Variants in SH3GL1 observed in about 807,000 individuals in gnomAD.
SH3GL1 encodes the protein endophilin-A2.
A neutral mutation model predicts 48.8 loss-of-function variants in SH3GL1; 21 were observed. That is an observed-to-expected ratio of 0.43 (90% CI 0.30 to 0.62). SH3GL1 has a LOEUF of 0.62. SH3GL1 is among the 20% of genes least tolerant of loss of function. SH3GL1 has a pLI of 0.11. For synonymous variants in SH3GL1, 282 were observed against 217.5 expected, an observed-to-expected ratio of 1.30 and a Z score of -2.61; for missense variants, 454 against 503.0, an observed-to-expected ratio of 0.90 and a Z score of 0.93.
chr19:4,382,731 T>C lies in SH3GL1; in HGVS notation c.46-15737A>G, dbSNP rs1250130284. On this transcript the variant is annotated intron_variant, in intron 1 of 9. Coordinates refer to ENST00000269886, the MANE Select transcript of SH3GL1 (RefSeq NM_003025.4). ...GGTGAGGGGCAGCCGTGGCGGGTGC[T>C]GTCCTGCTTGCCACAGGAGCTCATC... Among the ~76,000 whole-genome samples the C allele has an allele frequency of 4.6e-5, 7 of 152,172 alleles. 1 individual carries two copies. Among genetic ancestry groups the C allele is most frequent in the Non-Finnish European group, 7.4e-5 (5 of 68,020 alleles).
intron 6 of SH3GL1, 34 bp from the exon 7 acceptor site, chr19:4,363,507 A>G (rs770083069): frequency 3.2e-6 from 5 of 1,578,810 alleles, no homozygotes; most frequent in Non-Finnish European, 3.5e-6. Flanking sequence ...GGCTCCTGCC[A>G]GTGCCACTGT....
chr19:4,374,584 G>A (rs1002347057), intron 1 of SH3GL1, among the ~76,000 whole-genome samples: 1 of 152,238 alleles, frequency 6.6e-6, no homozygotes, highest in Non-Finnish European at 1.5e-5. Context: ...CGCCCTAGAT[G>A]GGGCAATCGG....
At chr19:4,370,397 T>C (rs1972874289) in intron 1 of SH3GL1, among the ~76,000 whole-genome samples, 1 of 152,076 alleles carries the variant, frequency 6.6e-6, no homozygotes, top group Admixed American at 6.5e-5. Flanking sequence ...CCACCCCGCA[T>C]GGCAGGAAAC....
chr19:4,394,861 G>A (rs1973398152), intron 1 of SH3GL1, among the ~76,000 whole-genome samples: 1 of 152,216 alleles, frequency 6.6e-6, no homozygotes, highest in East Asian at 1.9e-4. Context: ...GGGGGAAGCT[G>A]TCCTATGCAT....
intron 4 of SH3GL1, chr19:4,364,447 CTTT>C (rs989913014): frequency 1.4e-5 from 8 of 564,748 alleles, no homozygotes; most frequent in African/African-American, 9.4e-5. Context: ...TTTCCAACTT[CTTT>C]GAGATGAAGT....
In SH3GL1 at chr19:4,361,800, G is replaced by C. The variant is rs776637003; in HGVS notation, c.911-4C>G. 1 of 1,603,166 alleles carries C rather than the reference G, an allele frequency of 6.2e-7. No individual in the cohort carries two copies. Among genetic ancestry groups the C allele is most frequent in the South Asian group, 1.1e-5 (1 of 90,988 alleles). On this transcript the variant is annotated splice_polypyrimidine_tract_variant and splice_region_variant and intron_variant, in intron 9 of 9. Coordinates refer to ENST00000269886, the MANE Select transcript of SH3GL1 (RefSeq NM_003025.4). Reference sequence around the variant, plus strand: ...CAGCTCGGCTGGTCCAGGGGCGCTGGGGGCGGGAGCGGGCTGTGGGGCTGG... The same window carrying C: ...CAGCTCGGCTGGTCCAGGGGCGCTGCGGGCGGGAGCGGGCTGTGGGGCTGG...
intron 1 of SH3GL1, among the ~76,000 whole-genome samples, chr19:4,371,706 T>C (rs559893614): frequency 1.3e-5 from 2 of 152,290 alleles, no homozygotes; most frequent in South Asian, 4.1e-4. Flanking sequence ...TGGTGCTTGG[T>C]AATTTCCAGG....
At position 4,367,928 on chromosome 19, in the gene SH3GL1, G is replaced by A. The variant is rs970478954; in HGVS notation, c.46-934C>T. 1.3e-5 allele frequency among the ~76,000 whole-genome samples: 2 copies of A among 152,148 alleles called. No homozygotes were observed. The highest frequency in any genetic ancestry group is 2.9e-5 in the Non-Finnish European group (2 of 68,016). On this transcript the variant is annotated intron_variant, in intron 1 of 9. Transcript: ENST00000269886. This position sits in a 1 kb window ranked among gnomAD's most constrained non-coding sequence, Gnocchi z 4.2. ...TGTGAGGCCCTTCCCAGCACACAGC[G>A]CTTCATGAAGAGCCGAGTGGCTGCC...
chr19:4,385,574 A>G (rs1157873920), intron 1 of SH3GL1, among the ~76,000 whole-genome samples: 1 of 152,078 alleles, frequency 6.6e-6, no homozygotes, highest in African/African-American at 2.4e-5. Flanking sequence ...CCGGGCCCCA[A>G]AGACCCTCCC....
At chr19:4,391,057 CAG>C (rs1973329084) in intron 1 of SH3GL1, among the ~76,000 whole-genome samples, 1 of 152,182 alleles carries the variant, frequency 6.6e-6, no homozygotes, top group African/African-American at 2.4e-5. Context: ...CCACTGGACA[CAG>C]AGACACAGGC....
chr19:4,398,397 T>C (rs969337106), intron 1 of SH3GL1, among the ~76,000 whole-genome samples: 6 of 152,086 alleles, frequency 3.9e-5, no homozygotes, highest in East Asian at 1.9e-4. Flanking sequence ...TTTTTTTTTT[T>C]TTCAAGACGG....
chr19:4,381,134 C>A (rs1973114974), intron 1 of SH3GL1, among the ~76,000 whole-genome samples: 1 of 127,372 alleles, frequency 7.9e-6, no homozygotes. Flanking sequence ...TCTCTATCCC[C>A]CTGCCTCTCT....
At chr19:4,363,336 C>T (rs1179211702) in intron 7 of SH3GL1, 34 bp downstream of exon 7, 1 of 1,532,960 alleles carries the variant, frequency 6.5e-7, no homozygotes. Flanking sequence ...GCATGGCAGC[C>T]CAGACTCTGG....
intron 1 of SH3GL1, among the ~76,000 whole-genome samples, chr19:4,379,296 C>T (rs1224954117): frequency 6.6e-6 from 1 of 151,912 alleles, no homozygotes; most frequent in African/African-American, 2.4e-5. Flanking sequence ...CATGGTGGCT[C>T]ATGCCTGTAA....
In SH3GL1 at chr19:4,400,375, G is replaced by A. The variant is rs757920151; in HGVS notation, c.-7C>T. ...TCAGCCCCGCCACCGACATGCTGCC[G>A]CCCGCCGCCGAGCCTCCCGCCCGGA... On this transcript the variant is annotated 5_prime_UTR_variant, in exon 1 of 10. Transcript: ENST00000269886. The surrounding 1 kb of genome is among the most constrained non-coding windows in gnomAD (Gnocchi z 4.1). 2.5e-6 allele frequency: 4 copies of A among 1,585,688 alleles called. No homozygotes were observed. The Admixed American group carries it at 6.9e-5, about 27-fold the overall frequency.
At chr19:4,381,749 G>C (rs1973137390) in intron 1 of SH3GL1, among the ~76,000 whole-genome samples, 2 of 127,656 alleles carry the variant, frequency 1.6e-5, no homozygotes, top group Admixed American at 1.8e-4. Flanking sequence ...CTGGAGTGCA[G>C]TGGCGCGATC....
At chr19:4,381,838 A>C (rs1213312773) in intron 1 of SH3GL1, among the ~76,000 whole-genome samples, 2 of 148,768 alleles carry the variant, frequency 1.3e-5, no homozygotes. Context: ...GACTACAGGC[A>C]CCCGCCGCCA....
At chr19:4,364,728 T>TTTTGC (rs1972724665) in intron 4 of SH3GL1, 2 of 139,566 alleles carry the variant, frequency 1.4e-5, no homozygotes, top group Admixed American at 6.8e-5. Context: ...CGCACCCGGT[T>TTTTGC]TTTGTTTTGT....
intron 1 of SH3GL1, among the ~76,000 whole-genome samples, chr19:4,388,116 C>T (rs1973269783): frequency 6.6e-6 from 1 of 152,184 alleles, no homozygotes; most frequent in Non-Finnish European, 1.5e-5. Context: ...GCCTCGGCCT[C>T]CCAAAGTGCT....
Sources: gnomAD v4.1 joint callset for allele counts (sites outside exome capture counted in the v4.1 genomes callset) on GRCh38, gnomAD v4.1.1 for gene constraint, Gnocchi (gnomAD v3.1) non-coding constraint, MANE v1.5 for transcripts, NCBI Gene and HGNC (gene_info 2026-07-23, HGNC 2026-07-21) for gene names.